The following NRG3 variants were observed in gnomAD, a reference collection of about 807,000 sequenced individuals.
NRG3 encodes neuregulin 3.
Under a neutral mutation model 66.9 loss-of-function variants are expected in NRG3, and 31 were observed. That is an observed-to-expected ratio of 0.46 (90% CI 0.35 to 0.63). NRG3 has a LOEUF of 0.63. Ranked by LOEUF, NRG3 falls within the 20% of genes least tolerant of loss-of-function variation. NRG3 has a pLI of 0.00. For synonymous variants in NRG3, 393 were observed against 359.4 expected, an observed-to-expected ratio of 1.09 and a Z score of -1.06; for missense variants, 910 against 878.9, an observed-to-expected ratio of 1.04 and a Z score of -0.45.
At chr10:82,362,333 A>ATGTGTGTGTGTG (rs56996997) in intron 2 of NRG3, among the ~76,000 whole-genome samples, 15 of 135,954 alleles carry the variant, frequency 1.1e-4, no homozygotes, top group African/African-American at 4.0e-4. Flanking sequence ...GTATATATAT[A>ATGTGTGTGTGTG]TGTGTGTGTG....
intron 2 of NRG3, among the ~76,000 whole-genome samples, chr10:82,640,379 C>G (rs1336763978): frequency 6.6e-6 from 1 of 152,178 alleles, no homozygotes; most frequent in East Asian, 1.9e-4. Flanking sequence ...TAAAGCATAG[C>G]CATAGCCAGT....
At chr10:82,630,928 TTTAAA>T (rs1413606067) in intron 2 of NRG3, among the ~76,000 whole-genome samples, 10 of 152,196 alleles carry the variant, frequency 6.6e-5, no homozygotes, top group Admixed American at 1.3e-4. Context: ...ACTTTTTTTC[TTTAAA>T]TTATACTGCT....
At chr10:82,389,107 CT>C (rs1361855402) in intron 2 of NRG3, among the ~76,000 whole-genome samples, 3 of 152,128 alleles carry the variant, frequency 2.0e-5, no homozygotes, top group Non-Finnish European at 4.4e-5. Flanking sequence ...ATTCACCCCC[CT>C]AACCACAAAG....
intron 2 of NRG3, among the ~76,000 whole-genome samples, chr10:82,541,635 A>C (rs1171449339): frequency 6.6e-6 from 1 of 152,200 alleles, no homozygotes; most frequent in African/African-American, 2.4e-5. Flanking sequence ...TCAGGGGTCC[A>C]TCTTTAACTA....
intron 2 of NRG3, among the ~76,000 whole-genome samples, chr10:82,640,118 T>G (rs367771452): frequency 9.9e-5 from 15 of 152,208 alleles, no homozygotes; most frequent in African/African-American, 3.4e-4. Flanking sequence ...TTTTGATGGA[T>G]GCATAGCAAA....
intron 2 of NRG3, among the ~76,000 whole-genome samples, chr10:82,576,797 C>T (rs1337599611): frequency 1.3e-5 from 2 of 151,626 alleles, no homozygotes; most frequent in African/African-American, 4.8e-5. Context: ...AGTCCCTAGC[C>T]CAGTGTTTGA....
chr10:82,031,086 A>G (rs1333489346), intron 1 of NRG3, among the ~76,000 whole-genome samples: 1 of 152,190 alleles, frequency 6.6e-6, no homozygotes, highest in Non-Finnish European at 1.5e-5. Context: ...TCCCAGCCAC[A>G]TTCATTATCC....
intron 3 of NRG3, among the ~76,000 whole-genome samples, chr10:82,767,655 G>T (rs1180070704): frequency 6.6e-6 from 1 of 151,426 alleles, no homozygotes; most frequent in East Asian, 1.9e-4. Context: ...CCCAGTCTTT[G>T]TCCATTTCTT....
chr10:82,937,664 A>G (rs1041319539), intron 4 of NRG3, among the ~76,000 whole-genome samples: 6 of 152,200 alleles, frequency 3.9e-5, no homozygotes, highest in Admixed American at 1.3e-4. Flanking sequence ...GCCTACAGAA[A>G]ACAGAAGTGA....
intron 2 of NRG3, among the ~76,000 whole-genome samples, chr10:82,493,285 C>G (rs1418531311): frequency 6.6e-6 from 1 of 152,116 alleles, no homozygotes; most frequent in East Asian, 1.9e-4. Flanking sequence ...CTACCCTGAC[C>G]TAACCCCCTA....
intron 1 of NRG3, among the ~76,000 whole-genome samples, chr10:82,068,732 G>C (rs954158772): frequency 6.6e-6 from 1 of 152,198 alleles, no homozygotes; most frequent in Non-Finnish European, 1.5e-5. Context: ...AATGCAGAGA[G>C]ACAGTGGGAA....
At chr10:82,311,221 C>A (rs1016999047) in intron 1 of NRG3, among the ~76,000 whole-genome samples, 6 of 152,222 alleles carry the variant, frequency 3.9e-5, no homozygotes, top group Admixed American at 3.9e-4. Flanking sequence ...GTGCGGTCAT[C>A]TAGCATCATT....
chr10:82,584,089 AATTT>A (rs1358736870), intron 2 of NRG3, among the ~76,000 whole-genome samples: 4 of 152,002 alleles, frequency 2.6e-5, no homozygotes, highest in African/African-American at 9.7e-5. Flanking sequence ...GTTTCATTTG[AATTT>A]ATTTATTTTT....
chr10:82,861,221 AG>A lies in NRG3; in HGVS notation c.1028-4189del, dbSNP rs538406748. 2.1e-3 allele frequency among the ~76,000 whole-genome samples: 327 copies of A among 152,206 alleles called. 3 individuals are homozygous for A. Among genetic ancestry groups the A allele is most frequent in the African/African-American group, 7.6e-3 (316 of 41,528 alleles). On this transcript the variant is annotated intron_variant, in intron 3 of 8. Transcript: ENST00000372141. ...AAGAAAGAGAAAAATAATTTACATGAGAGTTAACTTTTTATTTGTATGTCCA... is the reference window on the plus strand; with the variant it reads ...AAGAAAGAGAAAAATAATTTACATGAAGTTAACTTTTTATTTGTATGTCCA...
intron 2 of NRG3, among the ~76,000 whole-genome samples, chr10:82,671,320 T>G (rs2053254601): frequency 6.6e-6 from 1 of 152,206 alleles, no homozygotes; most frequent in African/African-American, 2.4e-5. Flanking sequence ...TTGGTTGAAA[T>G]ATGTTAATGT....
chr10:82,910,868 G>A (rs977041854), intron 4 of NRG3, among the ~76,000 whole-genome samples: 1 of 152,214 alleles, frequency 6.6e-6, no homozygotes, highest in African/African-American at 2.4e-5. Context: ...TGCTGTATAT[G>A]CTGTTGCCAA....
At chr10:82,886,541 C>G (rs370201879) in intron 4 of NRG3, among the ~76,000 whole-genome samples, 2 of 152,140 alleles carry the variant, frequency 1.3e-5, no homozygotes, top group African/African-American at 4.8e-5. Flanking sequence ...TGGAATAATA[C>G]GAGCAATACA....
intron 1 of NRG3, among the ~76,000 whole-genome samples, chr10:82,119,655 A>G (rs2067959370): frequency 6.6e-6 from 1 of 152,132 alleles, no homozygotes; most frequent in South Asian, 2.1e-4. Flanking sequence ...TTGCCAAATG[A>G]TACATAGCTG....
intron 1 of NRG3, among the ~76,000 whole-genome samples, chr10:82,095,537 C>T (rs926187202): frequency 6.6e-6 from 1 of 152,146 alleles, no homozygotes; most frequent in Non-Finnish European, 1.5e-5. Context: ...AATCCTATTC[C>T]TGGCCCGATT....
Sources: gnomAD v4.1 joint callset for allele counts (sites outside exome capture counted in the v4.1 genomes callset) on GRCh38, gnomAD v4.1.1 for gene constraint, MANE v1.5 for transcripts, NCBI Gene and HGNC (gene_info 2026-07-23, HGNC 2026-07-21) for gene names.